The following ISX variants were observed in gnomAD, a reference collection of about 807,000 sequenced individuals.
ISX encodes the protein intestine specific homeobox, also known as intestine-specific homeobox.
A neutral mutation model predicts 16.9 loss-of-function variants in ISX; 15 were observed. That is an observed-to-expected ratio of 0.89 (90% CI 0.59 to 1.36). The LOEUF (loss-of-function observed/expected upper bound fraction) is 1.36, where lower values mean the gene tolerates loss of function less well. ISX is among the 40% of genes most tolerant of loss of function. ISX has a pLI of 0.00. For synonymous variants in ISX, 125 were observed against 119.7 expected (o/e 1.04, Z -0.29); for missense variants, 316 against 306.1 (o/e 1.03, Z -0.24).
chr22:35,084,564 C>A, intron 4 of ISX, 65 bp downstream of exon 4: 2 of 1,113,174 alleles, frequency 1.8e-6, no homozygotes, highest in Non-Finnish European at 2.6e-6. Flanking sequence ...CCAGTCAGAC[C>A]CAGATGTGAA....
At chr22:35,083,788 T>C (rs931003087) in intron 3 of ISX, among the ~76,000 whole-genome samples, 47 of 152,230 alleles carry the variant, frequency 3.1e-4, no homozygotes, top group Non-Finnish European at 6.2e-4. Context: ...AGCCCCTGTA[T>C]CAGCCACAAA....
chr22:35,067,429 CAGAGCA>C, intron 2 of ISX, 113 bp downstream of exon 2: 1 of 717,132 alleles, frequency 1.4e-6, no homozygotes. Context: ...CTCTAAAATT[CAGAGCA>C]AGACCTGGCT....
In ISX at chr22:35,067,170, G is replaced by A. The variant is rs1346649488; in HGVS notation, c.83G>A (p.Ser28Asn). The change falls in exon 2 of 5, where the codon AGC (serine) becomes AAC (asparagine). Residue 28 changes from serine to asparagine, a missense_variant. Coordinates refer to ENST00000404699, the MANE Select transcript of ISX (RefSeq NM_001303508.2). Reference protein sequence around the residue: ...LGCCEAPKKLSLSFSIEAILK... With the variant: ...LGCCEAPKKLNLSFSIEAILK... ...TGCTGTGAGGCCCCGAAGAAGCTGA[G>A]CCTGTCCTTCTCCATTGAGGCGATC... The A allele has an allele frequency of 6.2e-7, 1 of 1,613,290 alleles. No individual in the cohort carries two copies. The highest frequency in any genetic ancestry group is 2.2e-5 in the East Asian group (1 of 44,846).
rs1423294469 is a variant in ISX, at chr22:35,086,203, A to T, written c.*510A>T. The T allele has an allele frequency of 5.9e-6, 1 of 170,854 alleles. No homozygotes were observed. The highest frequency in any genetic ancestry group is 1.6e-4 in the East Asian group (1 of 6,348). The allele number at this position is 170,854 out of a possible 1,614,324, so 10.6% of individuals were successfully genotyped here. ...ACTCCATAAACAGAACGGGATACAG[A>T]GATAAACAATTTGGGTTCTGTCCAC... On this transcript the variant is annotated 3_prime_UTR_variant, in exon 5 of 5. Transcript: ENST00000404699.
rs142318080 is a variant in ISX, at chr22:35,067,270, G to T, written c.183G>T (p.Ala61=). The T allele has an allele frequency of 4.4e-6, 7 of 1,596,348 alleles. No homozygotes were observed. The East Asian group carries it at 1.4e-4, about 31-fold the overall frequency. The stretch of plus-strand genomic sequence containing the variant: ...GTGAAGAGGGCCCCGGAGAAGCTGC[G>T]GCCTCAGGCTCTGGGCTAGAAAAGC... ...GPGEEGPGEA[A]ASGSGLEKPP... is the part of the protein sequence containing the mutation. The change falls in exon 2 of 5, where the codon GCG becomes GCT. Residue 61 remains alanine, a synonymous_variant. Coordinates refer to ENST00000404699, the MANE Select transcript of ISX (RefSeq NM_001303508.2).
At chr22:35,072,173 T>C (rs1158036245) in intron 2 of ISX, among the ~76,000 whole-genome samples, 1 of 152,226 alleles carries the variant, frequency 6.6e-6, no homozygotes, top group African/African-American at 2.4e-5. Flanking sequence ...GGGACCTTCC[T>C]ACAGGGATAC....
intron 2 of ISX, among the ~76,000 whole-genome samples, chr22:35,072,186 G>GT (rs1928871533): frequency 6.6e-6 from 1 of 152,186 alleles, no homozygotes; most frequent in Admixed American, 6.5e-5. Context: ...AGGGATACCT[G>GT]GAGACTGGTT....
chr22:35,078,514 G>A (rs2413296), intron 2 of ISX, among the ~76,000 whole-genome samples: 50,590 of 152,006 alleles, frequency 0.33, 9,739 homozygotes, highest in Non-Finnish European at 0.44. Flanking sequence ...GGGAGGGAAG[G>A]GGGTAGAGAA....
intron 2 of ISX, among the ~76,000 whole-genome samples, chr22:35,075,728 G>A (rs1044729100): frequency 1.3e-5 from 2 of 152,160 alleles, no homozygotes; most frequent in Admixed American, 1.3e-4. Flanking sequence ...GAGACCACAG[G>A]TATGGAAGAT....
At chr22:35,070,159 T>C (rs1314554471) in intron 2 of ISX, among the ~76,000 whole-genome samples, 2 of 152,220 alleles carry the variant, frequency 1.3e-5, no homozygotes, top group East Asian at 1.9e-4. Context: ...ACTGTCCTCA[T>C]TTCTCATGGT....
At chr22:35,084,348 T>C (rs1427453970) in intron 3 of ISX, 35 bp from the exon 4 acceptor site, 2 of 1,445,646 alleles carry the variant, frequency 1.4e-6, no homozygotes, top group Admixed American at 1.7e-5. Flanking sequence ...GGAGGAAAAC[T>C]CTTGCTTATC....
chr22:35,078,647 T>C (rs1601559738), intron 2 of ISX, among the ~76,000 whole-genome samples: 1 of 51,556 alleles, frequency 1.9e-5, no homozygotes, highest in South Asian at 3.9e-4. Context: ...AAATCCACAA[T>C]AGTGAGCGAA....
chr22:35,074,093 T>C (rs948877188), intron 2 of ISX, among the ~76,000 whole-genome samples: 16 of 152,364 alleles, frequency 1.1e-4, no homozygotes, highest in African/African-American at 3.8e-4. Flanking sequence ...ATCAAGTCTC[T>C]GCAGCTGTTT....
intron 2 of ISX, among the ~76,000 whole-genome samples, chr22:35,078,207 T>C (rs1929034696): frequency 6.6e-6 from 1 of 151,182 alleles, no homozygotes; most frequent in Non-Finnish European, 1.5e-5. Flanking sequence ...AACTGCACTA[T>C]ATCATTTACT....
chr22:35,085,109 T>C (rs1202790447), intron 4 of ISX, among the ~76,000 whole-genome samples: 1 of 152,200 alleles, frequency 6.6e-6, no homozygotes, highest in East Asian at 1.9e-4. Flanking sequence ...CCCACAGTGA[T>C]GCCATGAGAT....
At chr22:35,070,547 T>C (rs953122168) in intron 2 of ISX, among the ~76,000 whole-genome samples, 1 of 152,192 alleles carries the variant, frequency 6.6e-6, no homozygotes, top group Non-Finnish European at 1.5e-5. Context: ...GGTAAACCAG[T>C]ATGGACTGCC....
Position 35,082,587 on chromosome 22 carries a change from T to A in ISX, c.299T>A (p.Ile100Asn). 1.2e-6 allele frequency: 2 copies of A among 1,614,152 alleles called. No individual in the cohort carries two copies. The highest frequency in any genetic ancestry group is 1.7e-6 in the Non-Finnish European group (2 of 1,180,020). The stretch of plus-strand genomic sequence containing the variant: ...GAGCAGCTGCATGAGCTGGAGAAGA[T>A]CTTCCACTTTACCCACTACCCAGAC... ...TTEQLHELEK[I>N]FHFTHYPDVH... The change falls in exon 3 of 5, where the codon ATC becomes AAC. Residue 100 changes from isoleucine (I) to asparagine (N), a missense_variant. Coordinates refer to ENST00000404699, the MANE Select transcript of ISX (RefSeq NM_001303508.2).
chr22:35,071,485 T>C (rs1928851834), intron 2 of ISX, among the ~76,000 whole-genome samples: 1 of 152,182 alleles, frequency 6.6e-6, no homozygotes, highest in Non-Finnish European at 1.5e-5. Context: ...CTTTGACTTG[T>C]AGACGCATCA....
chr22:35,080,610 T>C (rs566463921), intron 2 of ISX, among the ~76,000 whole-genome samples: 51 of 152,344 alleles, frequency 3.3e-4, no homozygotes, highest in African/African-American at 1.2e-3. Context: ...ACAAGAGAGA[T>C]GGTAGTTGAT....
Sources: allele counts gnomAD v4.1 joint callset (sites outside exome capture counted in the v4.1 genomes callset), GRCh38; gene constraint gnomAD v4.1.1; transcripts MANE v1.5; gene names NCBI Gene and HGNC (gene_info 2026-07-23, HGNC 2026-07-21).